ADCYAP1R1: variants seen among roughly 807,000 people sequenced by gnomAD.
The protein encoded by ADCYAP1R1 is pituitary adenylate cyclase-activating polypeptide type I receptor.
In ADCYAP1R1, 44 loss-of-function variants were observed where a neutral mutation model predicts 67.6. The observed-to-expected ratio is 0.65, with a 90% CI of 0.51 to 0.84. The LOEUF (loss-of-function observed/expected upper bound fraction) is 0.84, where lower values mean the gene tolerates loss of function less well. ADCYAP1R1 is among the 40% of genes least tolerant of loss of function. The pLI, the probability that ADCYAP1R1 is intolerant of heterozygous loss-of-function variation, is 0.00. For missense variants in ADCYAP1R1, 477 were observed against 587.9 expected (o/e 0.81, Z 1.95); for synonymous variants, 222 against 219.6 (o/e 1.01, Z -0.10).
In ADCYAP1R1 at chr7:31,106,704, C is replaced by T. The variant is rs764033158; in HGVS notation, c.*20C>T. 6.9e-6 allele frequency: 11 copies of T among 1,585,142 alleles called. No homozygotes were observed. The highest frequency in any genetic ancestry group is 9.4e-6 in the Non-Finnish European group (11 of 1,165,570). On this transcript the variant is annotated 3_prime_UTR_variant, in exon 16 of 16. Transcript: ENST00000304166. The stretch of plus-strand genomic sequence containing the variant: ...ACCTGAGCCATGCTCCCCTCCTCCT[C>T]CTCTCCTCCATCCACAGGCTGGGAC...
chr7:31,078,179 G>A, intron 4 of ADCYAP1R1, 81 bp downstream of exon 4: 2 of 1,148,666 alleles, frequency 1.7e-6, no homozygotes, highest in South Asian at 1.5e-5. Flanking sequence ...CCAAGGACAG[G>A]GAGGCCACCC....
chr7:31,101,518 C>A (rs1305063339), intron 13 of ADCYAP1R1, among the ~76,000 whole-genome samples: 1 of 152,178 alleles, frequency 6.6e-6, no homozygotes, highest in African/African-American at 2.4e-5. Flanking sequence ...ATAGGTAGGG[C>A]CACAGAGGAG....
chr7:31,096,429 C>T (rs1182070735), intron 13 of ADCYAP1R1, among the ~76,000 whole-genome samples: 1 of 152,174 alleles, frequency 6.6e-6, no homozygotes, highest in Non-Finnish European at 1.5e-5. Flanking sequence ...TTCCACAGCA[C>T]CTCCTCCCCT....
Position 31,086,797 on chromosome 7 carries a change from A to G in ADCYAP1R1, c.824-146A>G. Reference sequence around the variant, plus strand: ...TCTGAGGGAGATATAGACCCTCAGGAGGCCTGGGTGTGAGGGACAGTTAGA... The same window carrying G: ...TCTGAGGGAGATATAGACCCTCAGGGGGCCTGGGTGTGAGGGACAGTTAGA... On this transcript the variant is annotated intron_variant, in intron 10 of 15. Transcript: ENST00000304166. The surrounding 1 kb of genome is among the most constrained non-coding windows in gnomAD (Gnocchi z 5.0). 1 of 949,644 alleles carries G rather than the reference A, an allele frequency of 1.1e-6. No homozygotes were observed. Among genetic ancestry groups the G allele is most frequent in the Non-Finnish European group, 1.7e-6 (1 of 597,506 alleles). 58.8% of individuals were successfully genotyped at this position (949,644 alleles called of 1,614,324 possible). A position where few individuals can be genotyped will look rare whatever the true frequency, so the allele number is the denominator to read the frequency against.
At position 31,104,851 on chromosome 7, in the gene ADCYAP1R1, A is replaced by C; in HGVS notation, c.1177-17A>C. The C allele has an allele frequency of 6.2e-7, 1 of 1,613,944 alleles. No homozygotes were observed. Among genetic ancestry groups the C allele is most frequent in the Non-Finnish European group, 8.5e-7 (1 of 1,179,928 alleles). On this transcript the variant is annotated splice_polypyrimidine_tract_variant and intron_variant, in intron 14 of 15. Coordinates refer to ENST00000304166, the MANE Select transcript of ADCYAP1R1 (RefSeq NM_001118.5). Reference sequence around the variant, plus strand: ...GTCCTTTGCTAGCATCCTCAGGCTTATTTTCTCTATTCCCAGGGCTTTGTG... The same window carrying C: ...GTCCTTTGCTAGCATCCTCAGGCTTCTTTTCTCTATTCCCAGGGCTTTGTG...
chr7:31,066,435 C>G (rs1363128765), intron 3 of ADCYAP1R1, among the ~76,000 whole-genome samples: 9 of 152,082 alleles, frequency 5.9e-5, no homozygotes, highest in Admixed American at 5.9e-4. Context: ...GGCCTGTCCA[C>G]AGGGATGTCG....
chr7:31,101,596 T>G (rs58618019), intron 13 of ADCYAP1R1, among the ~76,000 whole-genome samples: 1,966 of 152,352 alleles, frequency 0.013, 53 homozygotes, highest in East Asian at 0.091. Flanking sequence ...TCATTCCTTC[T>G]GCAAGCACCC....
chr7:31,081,463 G>A (rs892471624), intron 5 of ADCYAP1R1, among the ~76,000 whole-genome samples: 17 of 152,142 alleles, frequency 1.1e-4, no homozygotes, highest in African/African-American at 3.6e-4. Flanking sequence ...TCCATTACCT[G>A]TGGTGGTGGA....
In ADCYAP1R1 at chr7:31,078,064, C is replaced by T. The variant is rs1012265755; in HGVS notation, c.231C>T (p.Cys77=). Residue 77 remains cysteine (C), a synonymous_variant, in exon 4 of 16, where the codon TGC becomes TGT. Transcript: ENST00000304166. ...TGGGTGAGATGGTCCTGGTCAGCTG[C>T]CCTGAGCTCTTCCGAATCTTCAACC... The part of the protein sequence containing the change: ...AHVGEMVLVS[C]PELFRIFNPD... The T allele has an allele frequency of 1.2e-6, 2 of 1,613,018 alleles. No individual in the cohort carries two copies. The highest frequency in any genetic ancestry group is 3.3e-5 in the Admixed American group (2 of 59,872).
chr7:31,055,984 G>A (rs953915928), intron 1 of ADCYAP1R1, among the ~76,000 whole-genome samples: 1 of 152,198 alleles, frequency 6.6e-6, no homozygotes, highest in African/African-American at 2.4e-5. Context: ...ACTGACTGCT[G>A]TCACTTGAGC....
rs184032436 is a variant in ADCYAP1R1 at position 31,081,618 on chromosome 7, G to C, written c.287-95G>C. On this transcript the variant is annotated intron_variant, in intron 5 of 15. Coordinates refer to ENST00000304166, the MANE Select transcript of ADCYAP1R1 (RefSeq NM_001118.5). ...AGGACTCCATCCCCTACTTCCTGTA[G>C]ACCAGGGGTAGCCTGAGCCTTCCAG... 78 of 984,376 alleles carry C rather than the reference G, an allele frequency of 7.9e-5. No homozygotes were observed. In the Middle Eastern group the frequency reaches 1.4e-3, roughly 18 times the overall value. 61.0% of individuals were successfully genotyped at this position (984,376 alleles called of 1,614,324 possible).
At chr7:31,071,372 A>G (rs1794971739) in intron 3 of ADCYAP1R1, among the ~76,000 whole-genome samples, 1 of 151,592 alleles carries the variant, frequency 6.6e-6, no homozygotes, top group Non-Finnish European at 1.5e-5. Context: ...TCCCCGACCC[A>G]CCCCTGGGCC....
At chr7:31,094,068 G>C (rs1300485812) in intron 13 of ADCYAP1R1, among the ~76,000 whole-genome samples, 1 of 152,136 alleles carries the variant, frequency 6.6e-6, no homozygotes, top group African/African-American at 2.4e-5. Flanking sequence ...AGGGCCTGGG[G>C]TGTTCAGCCA....
intron 1 of ADCYAP1R1, among the ~76,000 whole-genome samples, chr7:31,053,802 G>A (rs994720471): frequency 2.0e-5 from 3 of 152,218 alleles, no homozygotes; most frequent in Non-Finnish European, 4.4e-5. Context: ...TGGGGGATGG[G>A]AAGGGGCTGG....
chr7:31,055,950 G>A (rs1794221459), intron 1 of ADCYAP1R1, among the ~76,000 whole-genome samples: 1 of 152,158 alleles, frequency 6.6e-6, no homozygotes, highest in Non-Finnish European at 1.5e-5. Context: ...AAAGACACCT[G>A]GAGACAACAT....
intron 13 of ADCYAP1R1, among the ~76,000 whole-genome samples, chr7:31,101,438 A>C (rs56234828): frequency 0.052 from 7,937 of 152,242 alleles, 439 homozygotes; most frequent in African/African-American, 0.14. Flanking sequence ...GGCAGGGGCC[A>C]CAGGCATGTT....
At chr7:31,058,929 C>T (rs754110415) in intron 1 of ADCYAP1R1, among the ~76,000 whole-genome samples, 1 of 152,126 alleles carries the variant, frequency 6.6e-6, no homozygotes, top group Non-Finnish European at 1.5e-5. Flanking sequence ...CGGTCACCTC[C>T]GCCATAGAAG....
rs267601483 is a variant in ADCYAP1R1 at position 31,106,515 on chromosome 7, G to A, written c.1238G>A (p.Arg413Gln). The A allele has an allele frequency of 3.7e-6, 6 of 1,610,962 alleles. No individual in the cohort carries two copies. The highest frequency in any genetic ancestry group is 1.3e-5 in the African/African-American group (1 of 74,928). Residue 413 changes from arginine (R) to glutamine (Q), a missense_variant, in exon 16 of 16, where the codon CGA becomes CAA. Physicochemically the swap from Arg to Gln is conservative, Grantham distance 43. Transcript: ENST00000304166. ...LNGEVQAEIK[R>Q]KWRSWKVNRY... The stretch of plus-strand genomic sequence containing the variant: ...CTGCAGGTACAAGCGGAGATCAAGC[G>A]AAAATGGCGAAGCTGGAAGGTGAAC...
At chr7:31,096,416 C>T (rs1445422438) in intron 13 of ADCYAP1R1, among the ~76,000 whole-genome samples, 1 of 152,220 alleles carries the variant, frequency 6.6e-6, no homozygotes, top group Non-Finnish European at 1.5e-5. Context: ...CTCCATCTTC[C>T]ACTTCCACAG....
Sources: allele counts gnomAD v4.1 joint callset (sites outside exome capture counted in the v4.1 genomes callset), GRCh38; gene constraint gnomAD v4.1.1; non-coding constraint Gnocchi (gnomAD v3.1); transcripts MANE v1.5; gene names NCBI Gene and HGNC (gene_info 2026-07-23, HGNC 2026-07-21).